GAREM1: variants seen among roughly 807,000 people sequenced by gnomAD.
The protein encoded by GAREM1 is GRB2 associated regulator of MAPK1 subtype 1, also known as GRB2-associated and regulator of MAPK protein 1.
A neutral mutation model predicts 71.3 loss-of-function variants in GAREM1; 26 were observed. That is an observed-to-expected ratio of 0.36 (90% CI 0.27 to 0.51). The LOEUF (loss-of-function observed/expected upper bound fraction) is 0.51. Ranked by LOEUF, GAREM1 falls within the 20% of genes least tolerant of loss-of-function variation. The pLI, the probability that GAREM1 is intolerant of heterozygous loss-of-function variation, is 0.95. For missense variants in GAREM1, 1,026 were observed against 1,103.1 expected (o/e 0.93, Z 0.99); for synonymous variants, 440 against 433.2 (o/e 1.02, Z -0.20).
At chr18:32,294,473 T>C (rs1598937715) in intron 3 of GAREM1, among the ~76,000 whole-genome samples, 1 of 152,226 alleles carries the variant, frequency 6.6e-6, no homozygotes, top group African/African-American at 2.4e-5. Context: ...CCAGATAAAC[T>C]TTAGAATCAT....
At chr18:32,327,868 A>G (rs781115866) in intron 2 of GAREM1, among the ~76,000 whole-genome samples, 1 of 152,132 alleles carries the variant, frequency 6.6e-6, no homozygotes, top group Non-Finnish European at 1.5e-5. Flanking sequence ...TCACATATAA[A>G]ATGGGGATGT....
chr18:32,354,840 T>C (rs999961432), intron 2 of GAREM1, among the ~76,000 whole-genome samples: 2 of 152,014 alleles, frequency 1.3e-5, no homozygotes, highest in African/African-American at 2.4e-5. Flanking sequence ...GAAGAGGGAG[T>C]GTCAGAAGCA....
At chr18:32,396,741 T>TA (rs2048261022) in intron 1 of GAREM1, among the ~76,000 whole-genome samples, 1 of 152,126 alleles carries the variant, frequency 6.6e-6, no homozygotes, top group Non-Finnish European at 1.5e-5. Context: ...TGCAGGATAT[T>TA]ATCCAGGAGA....
chr18:32,354,191 T>A (rs1020059487), intron 2 of GAREM1, among the ~76,000 whole-genome samples: 4 of 152,150 alleles, frequency 2.6e-5, no homozygotes, highest in African/African-American at 9.7e-5. Context: ...AAAACAAAAT[T>A]AGGAAAGGAT....
rs188444152 is a variant in GAREM1 at position 32,329,474 on chromosome 18, G to A, written c.263-19151C>T. Among the ~76,000 whole-genome samples the A allele has an allele frequency of 9.9e-5, 15 of 152,110 alleles. No homozygotes were observed. In the East Asian group the frequency reaches 2.7e-3, roughly 27 times the overall value. ...TACAATCCCAGCACTTTGGGAGGCT[G>A]AGGCAGGTGGATCACAAGGTCAGGA... is the stretch of plus-strand genomic sequence containing the variant. On this transcript the variant is annotated intron_variant, in intron 2 of 5. Transcript: ENST00000269209.
At chr18:32,420,288 G>T (rs148450850) in intron 1 of GAREM1, among the ~76,000 whole-genome samples, 3 of 152,092 alleles carry the variant, frequency 2.0e-5, no homozygotes, top group Non-Finnish European at 4.4e-5. Context: ...AGACAGGAAG[G>T]GGAAAGAAGA....
chr18:32,365,974 T>A (rs574399494), intron 2 of GAREM1, among the ~76,000 whole-genome samples: 2 of 152,302 alleles, frequency 1.3e-5, no homozygotes, highest in African/African-American at 4.8e-5. Context: ...TAGTAAATCA[T>A]AAAAGATCCT....
At chr18:32,337,371 G>C (rs936273680) in intron 2 of GAREM1, among the ~76,000 whole-genome samples, 4 of 152,182 alleles carry the variant, frequency 2.6e-5, no homozygotes, top group African/African-American at 9.7e-5. Flanking sequence ...ACAATTCTTT[G>C]AAAAGTTACA....
chr18:32,388,754 C>T (rs2048170297), intron 2 of GAREM1, among the ~76,000 whole-genome samples: 1 of 152,070 alleles, frequency 6.6e-6, no homozygotes, highest in South Asian at 2.1e-4. Flanking sequence ...GGAACTTGTT[C>T]CAGATTAAAG....
At chr18:32,392,840 C>T in intron 2 of GAREM1, 55 bp downstream of exon 2, 5 of 1,564,676 alleles carry the variant, frequency 3.2e-6, no homozygotes, top group Non-Finnish European at 3.5e-6. Context: ...AAAAGTTTAG[C>T]TATTCACATC....
chr18:32,409,505 A>G (rs2048397850), intron 1 of GAREM1, among the ~76,000 whole-genome samples: 1 of 152,204 alleles, frequency 6.6e-6, no homozygotes, highest in Non-Finnish European at 1.5e-5. Context: ...AGACAAAGCA[A>G]TATGTGGTAA....
At chr18:32,343,958 C>T (rs2047671700) in intron 2 of GAREM1, among the ~76,000 whole-genome samples, 1 of 152,104 alleles carries the variant, frequency 6.6e-6, no homozygotes, top group Admixed American at 6.5e-5. Flanking sequence ...TCTCTGACTC[C>T]CTCCTAGGCA....
intron 2 of GAREM1, among the ~76,000 whole-genome samples, chr18:32,364,034 T>TG (rs1431647541): frequency 4.7e-5 from 2 of 42,248 alleles, no homozygotes; most frequent in Admixed American, 3.2e-4. Flanking sequence ...ATATGTTTTT[T>TG]TTTTTTTTTT....
At chr18:32,288,254 G>T in intron 3 of GAREM1, 51 bp from the exon 4 acceptor site, 1 of 1,420,826 alleles carries the variant, frequency 7.0e-7, no homozygotes, top group Non-Finnish European at 9.5e-7. Context: ...ATCTATTCAC[G>T]CAAAGAACTT....
chr18:32,422,512 G>T (rs1380641343), intron 1 of GAREM1, among the ~76,000 whole-genome samples: 1 of 152,152 alleles, frequency 6.6e-6, no homozygotes, highest in African/African-American at 2.4e-5. Flanking sequence ...TAATAATGAT[G>T]CTCAATGTAT....
intron 2 of GAREM1, among the ~76,000 whole-genome samples, chr18:32,311,881 G>A (rs1024907042): frequency 1.3e-5 from 2 of 152,236 alleles, no homozygotes; most frequent in Non-Finnish European, 2.9e-5. Context: ...CCTCTAGCTG[G>A]CATGTTGAGA....
At chr18:32,394,129 C>A (rs1223986022) in intron 1 of GAREM1, among the ~76,000 whole-genome samples, 2 of 152,164 alleles carry the variant, frequency 1.3e-5, no homozygotes, top group Admixed American at 1.3e-4. Flanking sequence ...ACAGTCTTGG[C>A]CTGGCATGGT....
intron 1 of GAREM1, among the ~76,000 whole-genome samples, chr18:32,394,029 A>G (rs1428800317): frequency 6.6e-6 from 1 of 152,194 alleles, no homozygotes; most frequent in Non-Finnish European, 1.5e-5. Flanking sequence ...TACTTTTTCA[A>G]TAAATAGAAG....
rs758008440 is a variant in GAREM1, at chr18:32,268,183, C to T, written c.2319G>A (p.Met773Ile). Residue 773 changes from methionine (M) to isoleucine (I), a missense_variant, in exon 6 of 6, where the codon ATG (methionine) becomes ATA (isoleucine). By Grantham distance (10) the Met-to-Ile change is conservative. Around this residue, in one of 3 missense-constraint regions of GAREM1, gnomAD observed 636 missense variants for 631.2 expected, o/e 1.01. Coordinates refer to ENST00000269209, the MANE Select transcript of GAREM1 (RefSeq NM_001242409.2). ...GGTAGGAGGCAGAGAAGATGTCCTG[C>T]ATGCCCTTTTTAACAAAATACTGGT... ...SEDQYFVKKG[M>I]QDIFSASYPF... 1 of 1,614,148 alleles carries T rather than the reference C, an allele frequency of 6.2e-7. No homozygotes were observed. The highest frequency in any genetic ancestry group is 1.1e-5 in the South Asian group (1 of 91,072).
Sources: gnomAD v4.1 joint callset for allele counts (sites outside exome capture counted in the v4.1 genomes callset) on GRCh38, gnomAD v4.1.1 for gene constraint, gnomAD v4.1.1 regional missense constraint, MANE v1.5 for transcripts, NCBI Gene and HGNC (gene_info 2026-07-23, HGNC 2026-07-21) for gene names.